ZGPAT: variants seen among roughly 807,000 people sequenced by gnomAD.
The protein encoded by ZGPAT is zinc finger CCCH-type and G-patch domain containing.
Under a neutral mutation model 47.9 loss-of-function variants are expected in ZGPAT, and 39 were observed. The ratio of observed to expected loss-of-function variants is 0.81; its 90% confidence interval spans 0.63 to 1.06. ZGPAT has a LOEUF of 1.06. ZGPAT is among the 50% of genes least tolerant of loss of function. The probability of loss-of-function intolerance (pLI) is 0.00; values close to 1 mark genes in which losing one functional copy is unlikely to be tolerated. For missense variants in ZGPAT, 717 were observed against 681.4 expected (o/e 1.05, Z -0.58); for synonymous variants, 348 against 292.9 (o/e 1.19, Z -1.92).
Position 63,733,371 on chromosome 20 carries a change from G to T in ZGPAT, c.718+19G>T. On this transcript the variant is annotated intron_variant, in intron 3 of 6. Transcript: ENST00000355969. The stretch of plus-strand genomic sequence containing the variant: ...ATCACCGGTGAGGCTGGCCGTGGGG[G>T]CCTCCCGGGAACACCCTCCCAGGCC... 1 of 1,606,584 alleles carries T rather than the reference G, an allele frequency of 6.2e-7. No individual in the cohort carries two copies. The highest frequency in any genetic ancestry group is 8.5e-7 in the Non-Finnish European group (1 of 1,177,702).
At chr20:63,713,644 G>GT (rs1294644961) in intron 2 of ZGPAT, among the ~76,000 whole-genome samples, 1 of 151,732 alleles carries the variant, frequency 6.6e-6, no homozygotes, top group Non-Finnish European at 1.5e-5. Context: ...GCCAAGGCGG[G>GT]TGGATCACCT....
intron 2 of ZGPAT, among the ~76,000 whole-genome samples, chr20:63,717,942 C>T (rs2091747691): frequency 6.6e-6 from 1 of 152,064 alleles, no homozygotes; most frequent in Admixed American, 6.6e-5. Flanking sequence ...ACTCAGGAGG[C>T]TGAGGCAGGA....
At chr20:63,727,178 A>G (rs2145678842) in intron 2 of ZGPAT, among the ~76,000 whole-genome samples, 1 of 151,998 alleles carries the variant, frequency 6.6e-6, no homozygotes, top group African/African-American at 2.4e-5. Context: ...TACATTCACT[A>G]AAAATGTCCT....
intron 2 of ZGPAT, among the ~76,000 whole-genome samples, chr20:63,722,144 C>T (rs918863477): frequency 6.6e-6 from 1 of 152,246 alleles, no homozygotes; most frequent in Non-Finnish European, 1.5e-5. Context: ...AATGCATAAG[C>T]AGGATTCCTT....
chr20:63,728,275 A>G (rs2091864193), intron 2 of ZGPAT, among the ~76,000 whole-genome samples: 1 of 152,026 alleles, frequency 6.6e-6, no homozygotes, highest in South Asian at 2.1e-4. Context: ...TGACCTTGTG[A>G]TCCGCCCACC....
intron 2 of ZGPAT, among the ~76,000 whole-genome samples, chr20:63,729,416 T>G (rs576647640): frequency 1.2e-4 from 19 of 152,362 alleles, no homozygotes; most frequent in African/African-American, 4.3e-4. Context: ...TTTTCAGGGT[T>G]AAGTCTTTAC....
At chr20:63,730,682 C>T (rs1488556428) in intron 2 of ZGPAT, among the ~76,000 whole-genome samples, 2 of 152,116 alleles carry the variant, frequency 1.3e-5, no homozygotes, top group Non-Finnish European at 2.9e-5. Flanking sequence ...ACGGGTTTCT[C>T]CATGTTGGCC....
intron 2 of ZGPAT, among the ~76,000 whole-genome samples, chr20:63,731,789 A>T (rs1438461454): frequency 2.6e-5 from 4 of 152,170 alleles, no homozygotes; most frequent in Non-Finnish European, 2.9e-5. Context: ...CCATCATTTC[A>T]ACCAATCTCG....
Position 63,719,421 on chromosome 20 carries a change from G to A in ZGPAT, c.584+10257G>A, listed in dbSNP as rs1052279601. Among the ~76,000 whole-genome samples the A allele has an allele frequency of 6.6e-5, 10 of 152,298 alleles. 2 individuals are homozygous for A. The South Asian group carries it at 1.2e-3, about 19-fold the overall frequency. On this transcript the variant is annotated intron_variant, in intron 2 of 6. Coordinates refer to ENST00000355969, the MANE Select transcript of ZGPAT (RefSeq NM_181485.3). ...TGCATACATTGATGTGCTTCATGGTGTAGCACAGGTCCCTTGGGCTCTAGG... is the reference window on the plus strand; with the variant it reads ...TGCATACATTGATGTGCTTCATGGTATAGCACAGGTCCCTTGGGCTCTAGG...
At chr20:63,723,509 C>T (rs111276432) in intron 2 of ZGPAT, among the ~76,000 whole-genome samples, 9 of 122,910 alleles carry the variant, frequency 7.3e-5, no homozygotes, top group Non-Finnish European at 5.2e-5. Flanking sequence ...TCTGACATAG[C>T]TCCATCCTCC....
chr20:63,723,114 C>T (rs977781570), intron 2 of ZGPAT, among the ~76,000 whole-genome samples: 65 of 144,322 alleles, frequency 4.5e-4, no homozygotes, highest in Middle Eastern at 3.8e-3. Context: ...TCCTATGACA[C>T]AGCTCCATCC....
intron 2 of ZGPAT, among the ~76,000 whole-genome samples, chr20:63,731,931 C>T (rs986473966): frequency 1.3e-5 from 2 of 152,144 alleles, no homozygotes; most frequent in African/African-American, 4.8e-5. Flanking sequence ...GGAAGATGTG[C>T]GTAGGTTATA....
At chr20:63,716,747 A>G (rs886962796) in intron 2 of ZGPAT, among the ~76,000 whole-genome samples, 6 of 152,066 alleles carry the variant, frequency 3.9e-5, no homozygotes, top group South Asian at 2.1e-4. Flanking sequence ...CAGTGGTGCA[A>G]TCTCACTCAT....
chr20:63,734,001 T>C (rs1023908999), intron 4 of ZGPAT: 4 of 490,574 alleles, frequency 8.2e-6, no homozygotes, highest in Non-Finnish European at 1.4e-5. Context: ...AGGAGGGGCC[T>C]GGAGTTGCCG....
At chr20:63,712,888 T>G (rs2091684637) in intron 2 of ZGPAT, among the ~76,000 whole-genome samples, 2 of 151,986 alleles carry the variant, frequency 1.3e-5, no homozygotes, top group African/African-American at 4.8e-5. Flanking sequence ...AGAGGGAGAC[T>G]CCATCTTAAA....
At chr20:63,732,226 TGC>T (rs2091913226) in intron 2 of ZGPAT, among the ~76,000 whole-genome samples, 5 of 99,568 alleles carry the variant, frequency 5.0e-5, no homozygotes, top group Admixed American at 1.0e-4. Flanking sequence ...CATGTTTGGG[TGC>T]GGGTGCATGT....
intron 2 of ZGPAT, among the ~76,000 whole-genome samples, 171 bp from the exon 3 acceptor site, chr20:63,733,046 GTA>G (rs1340557356): frequency 6.6e-6 from 1 of 151,588 alleles, no homozygotes; most frequent in East Asian, 1.9e-4. Flanking sequence ...ATGTGTGTGT[GTA>G]TGTGTGCGTG....
chr20:63,708,607 C>A lies in ZGPAT; in HGVS notation c.27C>A (p.Ala9=). MDEESLES[A]LQTYRAQLQQ... ...TGGACGAGGAGAGCCTGGAGTCGGC[C>A]TTGCAGACCTACCGTGCGCAGCTGC... Residue 9 remains alanine (A), a synonymous_variant, in exon 2 of 7, where the codon GCC becomes GCA. Coordinates refer to ENST00000355969, the MANE Select transcript of ZGPAT (RefSeq NM_181485.3). 1 of 1,607,780 alleles carries A rather than the reference C, an allele frequency of 6.2e-7. No homozygotes were observed. Among genetic ancestry groups the A allele is most frequent in the Non-Finnish European group, 8.5e-7 (1 of 1,176,322 alleles).
chr20:63,718,075 CAG>C (rs1432220929), intron 2 of ZGPAT, among the ~76,000 whole-genome samples: 2 of 151,892 alleles, frequency 1.3e-5, no homozygotes, highest in Non-Finnish European at 2.9e-5. Flanking sequence ...TTTGCAGAGA[CAG>C]GGTATCACTT....
Sources: gnomAD v4.1 joint callset for allele counts (sites outside exome capture counted in the v4.1 genomes callset) on GRCh38, gnomAD v4.1.1 for gene constraint, MANE v1.5 for transcripts, NCBI Gene and HGNC (gene_info 2026-07-23, HGNC 2026-07-21) for gene names.